RBFOX1: variants seen among roughly 807,000 people sequenced by gnomAD.
RBFOX1 encodes the protein RNA binding fox-1 homolog 1, also known as RNA binding protein fox-1 homolog 1.
In RBFOX1, 8 loss-of-function variants were observed where a neutral mutation model predicts 57.7. The observed-to-expected ratio is 0.14, with a 90% CI of 0.08 to 0.25. The LOEUF (loss-of-function observed/expected upper bound fraction) is 0.25. Among genes scored for constraint, RBFOX1 ranks in the 10% least tolerant of loss-of-function variants. The probability of loss-of-function intolerance (pLI) is 1.00; values close to 1 mark genes in which losing one functional copy is unlikely to be tolerated. For synonymous variants in RBFOX1, 326 were observed against 222.4 expected, an observed-to-expected ratio of 1.47 and a Z score of -4.15; for missense variants, 611 against 548.5, an observed-to-expected ratio of 1.11 and a Z score of -1.14.
At chr16:6,586,292 C>A (rs1022435172) in intron 2 of RBFOX1, among the ~76,000 whole-genome samples, 1 of 152,160 alleles carries the variant, frequency 6.6e-6, no homozygotes, top group Non-Finnish European at 1.5e-5. Flanking sequence ...TCAGTGTATT[C>A]TATATTGTGC....
At chr16:7,240,585 C>G (rs2094005150) in intron 4 of RBFOX1, among the ~76,000 whole-genome samples, 1 of 151,954 alleles carries the variant, frequency 6.6e-6, no homozygotes, top group South Asian at 2.1e-4. Context: ...GACAGGGTCT[C>G]ACTTTGTCAC....
At chr16:6,195,898 C>G (rs1445281665) in intron 1 of RBFOX1, among the ~76,000 whole-genome samples, 1 of 151,924 alleles carries the variant, frequency 6.6e-6, no homozygotes, top group African/African-American at 2.4e-5. Context: ...TAACACATCT[C>G]CAGAAAGAGA....
exon 3 of RBFOX1, chr16:5,599,328 A>G (rs933376561): frequency 4.9e-6 from 3 of 616,414 alleles, no homozygotes. Context: ...GTCGAATGTC[A>G]TTGGGTTGTC....
chr16:6,413,366 G>C (rs2093526237), intron 2 of RBFOX1, among the ~76,000 whole-genome samples: 1 of 150,450 alleles, frequency 6.6e-6, no homozygotes, highest in East Asian at 2.0e-4. Flanking sequence ...GTCTTGCTCT[G>C]TTGCCTTAGC....
chr16:6,839,692 A>G (rs1316831169), intron 3 of RBFOX1, among the ~76,000 whole-genome samples: 1 of 152,194 alleles, frequency 6.6e-6, no homozygotes, highest in Non-Finnish European at 1.5e-5. Context: ...GATGCTGTTC[A>G]CTGGGATATT....
intron 3 of RBFOX1, among the ~76,000 whole-genome samples, chr16:7,041,998 A>C (rs1389727584): frequency 6.6e-6 from 1 of 152,170 alleles, no homozygotes; most frequent in East Asian, 1.9e-4. Flanking sequence ...CAAGGACTGG[A>C]CTTCCTTAGT....
intron 4 of RBFOX1, among the ~76,000 whole-genome samples, chr16:7,128,187 G>T (rs919238415): frequency 5.3e-5 from 8 of 152,140 alleles, no homozygotes; most frequent in African/African-American, 1.9e-4. Context: ...AATCCTCAAA[G>T]ATTTTCTTTC....
intron 3 of RBFOX1, among the ~76,000 whole-genome samples, chr16:6,737,216 A>C (rs188642114): frequency 6.6e-6 from 1 of 152,176 alleles, no homozygotes; most frequent in African/African-American, 2.4e-5. Flanking sequence ...AAATAACTCA[A>C]TGTAATTTAA....
intron 2 of RBFOX1, among the ~76,000 whole-genome samples, chr16:5,584,994 T>C (rs2046785990): frequency 6.6e-6 from 1 of 152,156 alleles, no homozygotes; most frequent in Non-Finnish European, 1.5e-5. Flanking sequence ...TTGGAAGTCT[T>C]CTGTAGAAAA....
rs13336976 is a variant in RBFOX1 at position 6,530,174 on chromosome 16, G to C, written c.-63-124429G>C. On this transcript the variant is annotated intron_variant, in intron 2 of 15. Transcript: ENST00000550418. ...TCTTAGAATGAAGAGGGAGGATTTT[G>C]TATGACTTTGGAGCATTTTTTCCTT... is the stretch of plus-strand genomic sequence containing the variant. 4.9e-3 allele frequency among the ~76,000 whole-genome samples: 746 copies of C among 152,244 alleles called. 7 individuals are homozygous for C. The highest frequency in any genetic ancestry group is 0.017 in the African/African-American group (715 of 41,538).
chr16:5,284,379 T>C (rs112553843), intron 1 of RBFOX1, among the ~76,000 whole-genome samples: 3 of 152,294 alleles, frequency 2.0e-5, no homozygotes, highest in African/African-American at 7.2e-5. Context: ...CTCCTTTGTG[T>C]GTCTGCTCTA....
At chr16:6,136,828 G>A (rs1298094085) in intron 1 of RBFOX1, among the ~76,000 whole-genome samples, 1 of 152,140 alleles carries the variant, frequency 6.6e-6, no homozygotes, top group Admixed American at 6.5e-5. Flanking sequence ...TTATTTTGCT[G>A]TGAAACCCTT....
At chr16:7,189,307 TCA>T (rs1232547033) in intron 4 of RBFOX1, among the ~76,000 whole-genome samples, 4 of 150,768 alleles carry the variant, frequency 2.7e-5, no homozygotes, top group Non-Finnish European at 1.5e-5. Flanking sequence ...GCGCCTGAAG[TCA>T]CAGCTACTCA....
chr16:7,612,414 A>G (rs2057688852), intron 10 of RBFOX1, among the ~76,000 whole-genome samples: 1 of 150,732 alleles, frequency 6.6e-6, no homozygotes, highest in Admixed American at 6.6e-5. Context: ...GCCAATGTGT[A>G]TGGCCCTTCT....
At chr16:6,600,913 A>G (rs543735926) in intron 2 of RBFOX1, among the ~76,000 whole-genome samples, 3 of 152,332 alleles carry the variant, frequency 2.0e-5, no homozygotes, top group African/African-American at 7.2e-5. Flanking sequence ...ATATGACTAA[A>G]CAAAGTCCCT....
intron 4 of RBFOX1, among the ~76,000 whole-genome samples, chr16:7,182,273 C>G (rs1351199750): frequency 1.3e-5 from 2 of 152,080 alleles, no homozygotes; most frequent in African/African-American, 4.8e-5. Flanking sequence ...TGATGCTCCT[C>G]TATAGGGATG....
At chr16:5,924,808 C>G (rs1318852971) in intron 4 of RBFOX1, among the ~76,000 whole-genome samples, 1 of 152,132 alleles carries the variant, frequency 6.6e-6, no homozygotes, top group African/African-American at 2.4e-5. Context: ...TTCATGTCTC[C>G]AGATACTGTG....
intron 13 of RBFOX1, among the ~76,000 whole-genome samples, chr16:7,675,373 G>C (rs2072963155): frequency 1.3e-5 from 2 of 150,184 alleles, no homozygotes; most frequent in Admixed American, 6.7e-5. Flanking sequence ...ACCTCTTTTT[G>C]TTGTGGTTAA....
intron 14 of RBFOX1, among the ~76,000 whole-genome samples, chr16:7,678,153 A>G (rs2073869585): frequency 6.6e-6 from 1 of 152,208 alleles, no homozygotes; most frequent in African/African-American, 2.4e-5. Context: ...AGCCATAACA[A>G]GTTCTCAAGG....
Sources: allele counts gnomAD v4.1 joint callset (sites outside exome capture counted in the v4.1 genomes callset), GRCh38; gene constraint gnomAD v4.1.1; transcripts MANE v1.5; gene names NCBI Gene and HGNC (gene_info 2026-07-23, HGNC 2026-07-21).